Variants in EIF4G3 observed in about 807,000 individuals in gnomAD.
The protein encoded by EIF4G3 is eIF-4-gamma 3.
Under a neutral mutation model 186.4 loss-of-function variants are expected in EIF4G3, and 34 were observed. The ratio of observed to expected loss-of-function variants is 0.18; its 90% CI spans 0.14 to 0.24. EIF4G3 has a LOEUF of 0.24. Ranked by LOEUF, EIF4G3 falls within the 10% of genes least tolerant of loss-of-function variation. The pLI, the probability that EIF4G3 is intolerant of heterozygous loss-of-function variation, is 1.00. For missense variants in EIF4G3, 1,536 were observed against 1,948.5 expected (o/e 0.79, Z 3.99); for synonymous variants, 673 against 679.5 (o/e 0.99, Z 0.15).
chr1:20,806,313 T>C (rs902642919), downstream of EIF4G3: 8 of 152,534 alleles, frequency 5.2e-5, no homozygotes, highest in African/African-American at 1.7e-4. Flanking sequence ...TACATGTGCA[T>C]GCACATACGT....
chr1:20,924,431 T>C (rs1349821528), intron 14 of EIF4G3, among the ~76,000 whole-genome samples: 3 of 152,224 alleles, frequency 2.0e-5, no homozygotes, highest in Non-Finnish European at 4.4e-5. Context: ...GAATAACTGA[T>C]ATTAATAAGA....
chr1:20,941,918 A>C lies in EIF4G3; in HGVS notation c.1236T>G (p.Ile412Met). 1 of 1,614,142 alleles carries C rather than the reference A, an allele frequency of 6.2e-7. No individual in the cohort carries two copies. The highest frequency in any genetic ancestry group is 8.5e-7 in the Non-Finnish European group (1 of 1,180,018). Reference protein sequence around the residue: ...DIPLVSSTNLINEINGVSEKL... With the variant: ...DIPLVSSTNLMNEINGVSEKL... ...TTTCGCTAACTCCATTTATTTCATT[A>C]ATTAGGTTAGTACTAGAAACCAGTG... Residue 412 changes from isoleucine to methionine, a missense_variant, in exon 14 of 37, where the codon ATT becomes ATG. Physicochemically the swap from Ile to Met is conservative, Grantham distance 10. Around this residue, in one of 11 missense-constraint regions of EIF4G3, gnomAD observed 560 missense variants for 547.8 expected, o/e 1.02. Transcript: ENST00000602326.
At chr1:21,073,843 G>C in intron 3 of EIF4G3, 1 of 309,164 alleles carries the variant, frequency 3.2e-6, no homozygotes, top group Non-Finnish European at 6.6e-6. Flanking sequence ...TTTTCACTTT[G>C]TTGTCCAGGC....
At chr1:21,127,861 A>C (rs1199931179) in intron 2 of EIF4G3, among the ~76,000 whole-genome samples, 1 of 152,212 alleles carries the variant, frequency 6.6e-6, no homozygotes, top group African/African-American at 2.4e-5. Flanking sequence ...TCTGCCAGTA[A>C]AGCAAAAAAT....
intron 2 of EIF4G3, among the ~76,000 whole-genome samples, chr1:21,166,520 T>C (rs1254743679): frequency 6.6e-6 from 1 of 151,720 alleles, no homozygotes; most frequent in Admixed American, 6.6e-5. Flanking sequence ...AGGTCAGGAG[T>C]CCGAGGCCAG....
intron 16 of EIF4G3, among the ~76,000 whole-genome samples, chr1:20,896,501 AGT>A (rs1312848050): frequency 6.6e-6 from 1 of 151,902 alleles, no homozygotes; most frequent in Non-Finnish European, 1.5e-5. Flanking sequence ...ATAGCTATAC[AGT>A]GTGTTTTAAG....
At chr1:20,900,951 G>C (rs928862662) in intron 15 of EIF4G3, among the ~76,000 whole-genome samples, 1 of 152,106 alleles carries the variant, frequency 6.6e-6, no homozygotes, top group South Asian at 2.1e-4. Flanking sequence ...TATTAAAACA[G>C]ATATAATACT....
At chr1:21,081,326 G>C (rs750857659) in intron 3 of EIF4G3, among the ~76,000 whole-genome samples, 5 of 152,140 alleles carry the variant, frequency 3.3e-5, no homozygotes. Context: ...CCAGCTACTC[G>C]GGAAGCTGAG....
At position 20,860,516 on chromosome 1, in the gene EIF4G3, C is replaced by T; in HGVS notation, c.3113G>A (p.Cys1038Tyr). ...ATCTGCTCTTCGAGATACCCAATTG[C>T]ACTATAAAAGCAGAAAATAAGGTTA... ...MLQDVIDLRL[C>Y]NWVSRRADQG... The change falls in exon 24 of 37, where the codon TGC (cysteine) becomes TAC (tyrosine). Residue 1038 changes from cysteine (C) to tyrosine (Y), a missense_variant and splice_region_variant. Physicochemically the swap from Cys to Tyr is radical, Grantham distance 194. Coordinates refer to ENST00000602326, the MANE Select transcript of EIF4G3 (RefSeq NM_001391906.1). The T allele has an allele frequency of 6.2e-7, 1 of 1,613,022 alleles. No homozygotes were observed. The highest frequency in any genetic ancestry group is 8.5e-7 in the Non-Finnish European group (1 of 1,179,706).
chr1:21,135,036 T>A (rs1368263696), intron 2 of EIF4G3, among the ~76,000 whole-genome samples: 1 of 152,188 alleles, frequency 6.6e-6, no homozygotes, highest in African/African-American at 2.4e-5. Context: ...CATGTTACTA[T>A]TATAGATTCT....
intron 4 of EIF4G3, among the ~76,000 whole-genome samples, chr1:21,050,349 C>T (rs2094137768): frequency 6.6e-6 from 1 of 152,178 alleles, no homozygotes. Flanking sequence ...AGTAGAAATA[C>T]ACTAAGGAGT....
At position 20,969,386 on chromosome 1, in the gene EIF4G3, A is replaced by T. The variant is rs2075368348; in HGVS notation, c.714+88T>A. ...TGCGAGACAACTGATGGAAATGAAA[A>T]GTACAGAAAGTGGCTATAGAAGAAA... On this transcript the variant is annotated intron_variant, in intron 12 of 36. Coordinates refer to ENST00000602326, the MANE Select transcript of EIF4G3 (RefSeq NM_001391906.1). 2.1e-6 allele frequency: 3 copies of T among 1,457,968 alleles called. No homozygotes were observed. In the Admixed American group the frequency reaches 6.1e-5, roughly 30 times the overall value. The allele number at this position is 1,457,968 out of a possible 1,614,324, so 90.3% of individuals were successfully genotyped here.
chr1:21,143,330 G>C (rs888452232), intron 2 of EIF4G3, among the ~76,000 whole-genome samples: 71 of 149,582 alleles, frequency 4.7e-4, no homozygotes, highest in African/African-American at 1.6e-3. Flanking sequence ...GGAGAGCAAA[G>C]GAAAGGAAGA....
At chr1:20,864,429 A>G in intron 22 of EIF4G3, 47 bp downstream of exon 22, 1 of 1,384,262 alleles carries the variant, frequency 7.2e-7, no homozygotes, top group Non-Finnish European at 1.0e-6. Flanking sequence ...TTCTTTTGCA[A>G]CTGACAAGGA....
At chr1:21,170,423 C>A (rs1349825462) in intron 2 of EIF4G3, among the ~76,000 whole-genome samples, 1 of 152,112 alleles carries the variant, frequency 6.6e-6, no homozygotes, top group African/African-American at 2.4e-5. Context: ...GTAATCCCAG[C>A]ACTTTGGGAG....
chr1:21,081,235 A>C (rs1366913068), intron 3 of EIF4G3, among the ~76,000 whole-genome samples: 1 of 152,164 alleles, frequency 6.6e-6, no homozygotes, highest in Admixed American at 6.5e-5. Context: ...GATCAAGACC[A>C]TCATGGCCAA....
At chr1:20,943,399 T>A (rs570211525) in intron 13 of EIF4G3, among the ~76,000 whole-genome samples, 8 of 152,110 alleles carry the variant, frequency 5.3e-5, no homozygotes, top group Non-Finnish European at 1.0e-4. Flanking sequence ...ATAATGCGGG[T>A]ACCAGAAAAA....
At chr1:21,165,545 G>A (rs76321378) in intron 2 of EIF4G3, among the ~76,000 whole-genome samples, 2,351 of 152,138 alleles carry the variant, frequency 0.015, 20 homozygotes, top group Non-Finnish European at 0.024. Flanking sequence ...CAACACAGAC[G>A]AACCCTGAAA....
chr1:21,040,818 T>C (rs2093528379), intron 4 of EIF4G3, among the ~76,000 whole-genome samples: 1 of 152,010 alleles, frequency 6.6e-6, no homozygotes, highest in Non-Finnish European at 1.5e-5. Context: ...ACCTAAAGAG[T>C]ATGCAGCTGT....
Sources: gnomAD v4.1 joint callset for allele counts (sites outside exome capture counted in the v4.1 genomes callset) on GRCh38, gnomAD v4.1.1 for gene constraint, gnomAD v4.1.1 regional missense constraint, MANE v1.5 for transcripts, NCBI Gene and HGNC (gene_info 2026-07-23, HGNC 2026-07-21) for gene names.